The following ARHGEF37 variants were observed in gnomAD, a reference collection of about 807,000 sequenced individuals.
ARHGEF37 encodes the protein Rho guanine nucleotide exchange factor (GEF) 37.
In ARHGEF37, 55 loss-of-function variants were observed where a neutral mutation model predicts 71.1. That is an observed-to-expected ratio of 0.77 (90% CI 0.62 to 0.97). The LOEUF is 0.97. Among genes scored for constraint, ARHGEF37 ranks in the 50% least tolerant of loss-of-function variants. ARHGEF37 has a pLI of 0.00. For missense variants in ARHGEF37, 765 were observed against 836.8 expected (o/e 0.91, Z 1.06); for synonymous variants, 327 against 350.6 (o/e 0.93, Z 0.75).
chr5:149,623,415 A>T (rs1054800795), intron 9 of ARHGEF37, among the ~76,000 whole-genome samples: 2 of 152,212 alleles, frequency 1.3e-5, no homozygotes, highest in Admixed American at 1.3e-4. Context: ...GGCCTGAACC[A>T]TCAGTAAAAG....
intron 10 of ARHGEF37, among the ~76,000 whole-genome samples, chr5:149,624,900 G>GT (rs70973533): frequency 0.085 from 11,419 of 133,884 alleles, 1,171 homozygotes; most frequent in African/African-American, 0.23. Context: ...ATGCTTTTGG[G>GT]TTTTTTTTTT....
At chr5:149,589,304 T>C (rs1763328184) in intron 1 of ARHGEF37, among the ~76,000 whole-genome samples, 1 of 151,404 alleles carries the variant, frequency 6.6e-6, no homozygotes, top group South Asian at 2.1e-4. Context: ...ATTATGTTTT[T>C]AATTGACACA....
chr5:149,605,540 A>T (rs530440409), intron 3 of ARHGEF37, among the ~76,000 whole-genome samples: 1 of 152,160 alleles, frequency 6.6e-6, no homozygotes, highest in South Asian at 2.1e-4. Context: ...GTATTTGAGC[A>T]TTGAAGGTCT....
exon 1 of ARHGEF37, chr5:149,552,068 C>T (rs752592878): frequency 6.6e-6 from 1 of 152,112 alleles, no homozygotes; most frequent in Non-Finnish European, 1.5e-5. Context: ...CCCCTGCCAT[C>T]CTATGTCTTT....
Position 149,609,508 on chromosome 5 carries a change from A to G in ARHGEF37, c.311-40A>G, listed in dbSNP as rs762912980. On this transcript the variant is annotated intron_variant, in intron 3 of 12. Transcript: ENST00000333677. The stretch of plus-strand genomic sequence containing the variant: ...CTGTTCCAAGCTAGGGGACACACAG[A>G]CATGCCCTTGACGACCCCTTGTTGC... The G allele has an allele frequency of 1.1e-5, 17 of 1,609,334 alleles. No homozygotes were observed. In the South Asian group the frequency reaches 1.3e-4, roughly 13 times the overall value.
intron 1 of ARHGEF37, among the ~76,000 whole-genome samples, chr5:149,558,689 ATATGTGTG>A (rs1259478076): frequency 1.3e-3 from 70 of 52,668 alleles, no homozygotes; most frequent in African/African-American, 5.0e-3. Context: ...AACCATATAT[ATATGTGTG>A]TGTGTGTGTG....
At position 149,605,386 on chromosome 5, in the gene ARHGEF37, G is replaced by C. The variant is rs541272018; in HGVS notation, c.310+4155G>C. 5.3e-5 allele frequency among the ~76,000 whole-genome samples: 8 copies of C among 152,198 alleles called. No homozygotes were observed. The South Asian group carries it at 1.5e-3, about 28-fold the overall frequency. On this transcript the variant is annotated intron_variant, in intron 3 of 12. Coordinates refer to ENST00000333677, the MANE Select transcript of ARHGEF37 (RefSeq NM_001001669.3). ...TAGATCCAAAATAATATTTTAACAT[G>C]TAATCAGTATAAACATTCATCATTC...
chr5:149,581,012 A>G (rs989852701), upstream of ARHGEF37, among the ~76,000 whole-genome samples: 2 of 152,168 alleles, frequency 1.3e-5, no homozygotes, highest in Admixed American at 6.5e-5. Context: ...ATGGACCAAC[A>G]CCGTCATGTC....
Position 149,601,209 on chromosome 5 carries a change from A to T in ARHGEF37, c.288A>T (p.Glu96Asp). ...ATCTGCAGGAGACAGCCTCCAAGGAAGAGGAACAAGTGCAGCTAGTTGGTA... is the reference window on the plus strand; with the variant it reads ...ATCTGCAGGAGACAGCCTCCAAGGATGAGGAACAAGTGCAGCTAGTTGGTA... ...LHDLQETASKEEEQVQLVGNI... is the reference protein window; with the variant it reads ...LHDLQETASKDEEQVQLVGNI... Residue 96 changes from glutamate (E) to aspartate (D), a missense_variant, in exon 3 of 13, where the codon GAA (glutamate) becomes GAT (aspartate). By Grantham distance (45) the Glu-to-Asp change is conservative. Coordinates refer to ENST00000333677, the MANE Select transcript of ARHGEF37 (RefSeq NM_001001669.3). 6.2e-7 allele frequency: 1 copy of T among 1,612,860 alleles called. No homozygotes were observed. The highest frequency in any genetic ancestry group is 8.5e-7 in the Non-Finnish European group (1 of 1,179,024).
chr5:149,634,009 CCA>C lies in ARHGEF37; in HGVS notation c.*1821_*1822del, dbSNP rs1443327011. 3.9e-5 allele frequency: 6 copies of C among 152,146 alleles called. No homozygotes were observed. Among genetic ancestry groups the C allele is most frequent in the African/African-American group, 1.4e-4 (6 of 41,426 alleles). The allele number at this position is 152,146 out of a possible 1,614,324, so 9.4% of individuals were successfully genotyped here. A position where few individuals can be genotyped will look rare whatever the true frequency, so the allele number is the denominator to read the frequency against. The stretch of plus-strand genomic sequence containing the variant: ...GAAATAGGAAACCCACTCGTGGGTT[CCA>C]CAGATACCTACCGAAGGCCTACTGT... On this transcript the variant is annotated 3_prime_UTR_variant, in exon 13 of 13. Coordinates refer to ENST00000333677, the MANE Select transcript of ARHGEF37 (RefSeq NM_001001669.3).
intron 1 of ARHGEF37, among the ~76,000 whole-genome samples, chr5:149,559,214 G>T (rs182980973): frequency 1.3e-5 from 2 of 152,062 alleles, no homozygotes; most frequent in Non-Finnish European, 2.9e-5. Flanking sequence ...CCAGCTACTC[G>T]GGTGGCTGAG....
intron 3 of ARHGEF37, among the ~76,000 whole-genome samples, chr5:149,608,139 A>G (rs1289391835): frequency 6.6e-6 from 1 of 152,084 alleles, no homozygotes; most frequent in African/African-American, 2.4e-5. Flanking sequence ...GAAACAAATC[A>G]CAATGGTGGA....
intron 4 of ARHGEF37, among the ~76,000 whole-genome samples, chr5:149,616,034 T>A (rs1490929095): frequency 6.6e-6 from 1 of 152,182 alleles, no homozygotes; most frequent in Non-Finnish European, 1.5e-5. Context: ...GATCTAGTTG[T>A]ATGTGTCAGT....
At chr5:149,598,543 C>T (rs1483464399) in intron 2 of ARHGEF37, among the ~76,000 whole-genome samples, 7 of 150,318 alleles carry the variant, frequency 4.7e-5, no homozygotes, top group Non-Finnish European at 1.0e-4. Context: ...TTTATTCGAT[C>T]ACAAAGTCAC....
intron 1 of ARHGEF37, among the ~76,000 whole-genome samples, chr5:149,552,311 A>G (rs1190371544): frequency 6.6e-6 from 1 of 152,026 alleles, no homozygotes; most frequent in African/African-American, 2.4e-5. Flanking sequence ...AACTATTACA[A>G]AATTTAATTG....
At position 149,599,259 on chromosome 5, in the gene ARHGEF37, G is replaced by GC. The variant is rs534832766; in HGVS notation, c.186+1309dup. 2.2e-3 allele frequency among the ~76,000 whole-genome samples: 331 copies of GC among 152,224 alleles called. 2 individuals are homozygous for GC. The highest frequency in any genetic ancestry group is 7.3e-3 in the African/African-American group (304 of 41,540). Reference sequence around the variant, plus strand: ...CCAGCAGGGAGGACATACGCCCACAGCCCCCAGGCCCCCGAAGACAGGTGT... The same window carrying GC: ...CCAGCAGGGAGGACATACGCCCACAGCCCCCCAGGCCCCCGAAGACAGGTGT... On this transcript the variant is annotated intron_variant, in intron 2 of 12. Transcript: ENST00000333677.
intron 1 of ARHGEF37, among the ~76,000 whole-genome samples, chr5:149,571,875 C>G (rs183585737): frequency 8.9e-4 from 115 of 129,638 alleles, no homozygotes; most frequent in African/African-American, 3.4e-3. Context: ...CCACTGCACT[C>G]AGTCTGGGTG....
chr5:149,583,099 T>A (rs563848472), intron 1 of ARHGEF37, among the ~76,000 whole-genome samples: 1 of 152,322 alleles, frequency 6.6e-6, no homozygotes, highest in African/African-American at 2.4e-5. Flanking sequence ...ACTTGCCTCT[T>A]TCAAATGGGG....
rs139339830 is a variant in ARHGEF37 at position 149,569,743 on chromosome 5, C to A, written c.-12+17620C>A. On this transcript the variant is annotated intron_variant, in intron 1 of 2. Transcript: ENST00000505810. ...GCGATTCTCTGGCCTCAGCCTCCTACCTGAGCAGCTGGGATTACAGGTGCG... is the reference window on the plus strand; with the variant it reads ...GCGATTCTCTGGCCTCAGCCTCCTAACTGAGCAGCTGGGATTACAGGTGCG... Among the ~76,000 whole-genome samples, 519 of 152,216 alleles carry A rather than the reference C, an allele frequency of 3.4e-3. 2 individuals carry two copies. Among genetic ancestry groups the A allele is most frequent in the African/African-American group, 0.012 (485 of 41,538 alleles).
Sources: gnomAD v4.1 joint callset for allele counts (sites outside exome capture counted in the v4.1 genomes callset) on GRCh38, gnomAD v4.1.1 for gene constraint, MANE v1.5 for transcripts, NCBI Gene and HGNC (gene_info 2026-07-23, HGNC 2026-07-21) for gene names.